CHAT: variants seen among roughly 807,000 people sequenced by gnomAD.
CHAT encodes the protein choline O-acetyltransferase, also known as acetyl CoA:choline O-acetyltransferase.
Under a neutral mutation model 76.9 loss-of-function variants are expected in CHAT, and 61 were observed. The ratio of observed to expected loss-of-function variants is 0.79; its 90% confidence interval spans 0.65 to 0.98. The LOEUF is 0.98. CHAT is among the 50% of genes least tolerant of loss of function. The probability of loss-of-function intolerance (pLI) is 0.00; values close to 1 mark genes in which losing one functional copy is unlikely to be tolerated. For synonymous variants in CHAT, 407 were observed against 397.4 expected, an observed-to-expected ratio of 1.02 and a Z score of -0.29; for missense variants, 946 against 986.9, an observed-to-expected ratio of 0.96 and a Z score of 0.56.
chr10:49,665,077 C>G lies in CHAT; in HGVS notation c.*31C>G. ...GCCACTAGGTTTCACCTCCCAAACC[C>G]AGCCTCTAGAACAGCCAGACCCTGC... On this transcript the variant is annotated 3_prime_UTR_variant, in exon 15 of 15. Transcript: ENST00000337653. 2 of 1,612,334 alleles carry G rather than the reference C, an allele frequency of 1.2e-6. No homozygotes were observed. The highest frequency in any genetic ancestry group is 1.7e-6 in the Non-Finnish European group (2 of 1,179,870).
chr10:49,648,637 G>A, intron 9 of CHAT, 30 bp downstream of exon 9: 2 of 1,523,050 alleles, frequency 1.3e-6, no homozygotes, highest in Middle Eastern at 1.7e-4. Flanking sequence ...CTGCCATGCT[G>A]GGCCCAAAAA....
At chr10:49,614,502 G>C in intron 1 of CHAT, 27 bp downstream of exon 1, 1 of 1,536,976 alleles carries the variant, frequency 6.5e-7, no homozygotes, top group Non-Finnish European at 8.7e-7. Context: ...GGCTGGGCTG[G>C]CGGAGCGCGG....
At chr10:49,618,124 A>C (rs1265947434) in intron 2 of CHAT, among the ~76,000 whole-genome samples, 10 of 152,182 alleles carry the variant, frequency 6.6e-5, no homozygotes, top group Non-Finnish European at 1.3e-4. Context: ...CATATTGCAG[A>C]ATTCTGGTCA....
intron 7 of CHAT, 136 bp from the exon 8 acceptor site, chr10:49,646,369 G>T (rs939618752): frequency 2.8e-6 from 3 of 1,082,932 alleles, no homozygotes; most frequent in Admixed American, 3.4e-5. Context: ...CAAGGTGGGG[G>T]GTCAGGGCTG....
chr10:49,665,037 C>T lies in CHAT; in HGVS notation c.2238C>T (p.His746=), dbSNP rs1234288422. 6.2e-7 allele frequency: 1 copy of T among 1,613,922 alleles called. No homozygotes were observed. Among genetic ancestry groups the T allele is most frequent in the African/African-American group, 1.3e-5 (1 of 75,068 alleles). Residue 746 remains histidine (H), a synonymous_variant, in exon 15 of 15, where the codon CAC becomes CAT. Transcript: ENST00000337653. The part of the protein sequence containing the change: ...KEKATRPSQG[H]QP Reference sequence around the variant, plus strand: ...AAGCCACGAGGCCCAGCCAGGGACACCAACCTTGACTCCTGCCACTAGGTT... The same window carrying T: ...AAGCCACGAGGCCCAGCCAGGGACATCAACCTTGACTCCTGCCACTAGGTT...
At chr10:49,648,745 AC>A in intron 9 of CHAT, 138 bp downstream of exon 9, 1 of 667,400 alleles carries the variant, frequency 1.5e-6, no homozygotes, top group Admixed American at 2.1e-5. Context: ...ACACACACAC[AC>A]ACACACACAC....
chr10:49,645,903 G>C (rs568827460), intron 7 of CHAT, among the ~76,000 whole-genome samples: 16 of 152,180 alleles, frequency 1.1e-4, no homozygotes, highest in Non-Finnish European at 1.9e-4. Context: ...TCCAGATGTG[G>C]GTTCAAGGCA....
chr10:49,634,583 T>C (rs1043651509), intron 7 of CHAT, among the ~76,000 whole-genome samples: 1 of 152,240 alleles, frequency 6.6e-6, no homozygotes, highest in Non-Finnish European at 1.5e-5. Context: ...ACTCTCTCTG[T>C]GTGCACACAC....
intron 7 of CHAT, among the ~76,000 whole-genome samples, chr10:49,639,025 G>A (rs2132770568): frequency 6.6e-6 from 1 of 152,264 alleles, no homozygotes; most frequent in African/African-American, 2.4e-5. Context: ...CGTGAGGTCA[G>A]GAGTTCAAGA....
At chr10:49,611,661 C>G (rs1335474158), upstream of CHAT, 2 of 1,611,878 alleles carry the variant, frequency 1.2e-6, no homozygotes, top group Admixed American at 3.3e-5. Context: ...CCCTCGCCTT[C>G]CTCGAACCCA....
intron 3 of CHAT, 97 bp downstream of exon 3, chr10:49,620,013 G>A: frequency 1.6e-6 from 2 of 1,272,338 alleles, no homozygotes; most frequent in Non-Finnish European, 2.2e-6. Flanking sequence ...ACAAAGACAG[G>A]GCAGAAGGAG....
chr10:49,615,905 A>G (rs1838473151), intron 1 of CHAT: 1 of 794,034 alleles, frequency 1.3e-6, no homozygotes, highest in East Asian at 2.6e-5. Context: ...GCAGGCCCAG[A>G]GTCTCCCTGC....
chr10:49,635,330 T>A (rs1839260424), intron 7 of CHAT, among the ~76,000 whole-genome samples: 1 of 152,242 alleles, frequency 6.6e-6, no homozygotes, highest in Non-Finnish European at 1.5e-5. Context: ...TTTCATTGTT[T>A]ACCCATCAAA....
rs767727254 is a variant in CHAT, at chr10:49,622,139, C to T, written c.741C>T (p.Ala247=). 2 of 1,613,582 alleles carry T rather than the reference C, an allele frequency of 1.2e-6. No individual in the cohort carries two copies. Among genetic ancestry groups the T allele is most frequent in the East Asian group, 2.2e-5 (1 of 44,850 alleles). ...TCTCTGGTGTACTCAGCTACAAGGC[C>T]CTGCTGGACAGGTAGGACTGGGAGG... is the stretch of plus-strand genomic sequence containing the variant. ...SLISGVLSYK[A]LLDSHSIPTD... Residue 247 remains alanine, a synonymous_variant, in exon 5 of 15, where the codon GCC becomes GCT. Transcript: ENST00000337653.
chr10:49,625,417 C>A (rs1157317582), intron 5 of CHAT, 56 bp from the exon 6 acceptor site: 197 of 1,547,938 alleles, frequency 1.3e-4, no homozygotes, highest in Non-Finnish European at 1.7e-4. Flanking sequence ...TCTCTGTCTC[C>A]CCTCACCACC....
chr10:49,611,824 C>G (rs761119823), upstream of CHAT: 34 of 1,603,826 alleles, frequency 2.1e-5, no homozygotes, highest in South Asian at 3.5e-4. Context: ...GTACGGCGCG[C>G]TTGGGCTGGC....
intron 7 of CHAT, among the ~76,000 whole-genome samples, chr10:49,634,710 G>GTTTTGT (rs887915216): frequency 2.0e-4 from 30 of 151,928 alleles, no homozygotes; most frequent in African/African-American, 4.6e-4. Flanking sequence ...GGTTTTTTTT[G>GTTTTGT]TTTTGTTTTT....
At chr10:49,646,748 G>A (rs1228349966) in intron 8 of CHAT, 74 bp downstream of exon 8, 1 of 1,531,512 alleles carries the variant, frequency 6.5e-7, no homozygotes, top group African/African-American at 1.4e-5. Flanking sequence ...AGCGGGCACA[G>A]CCTGGTGCCC....
chr10:49,664,376 C>T (rs1240236604), intron 14 of CHAT, among the ~76,000 whole-genome samples: 1 of 152,194 alleles, frequency 6.6e-6, no homozygotes, highest in Non-Finnish European at 1.5e-5. Context: ...GCCAGATTTC[C>T]TCCAGTTCAT....
Sources: gnomAD v4.1 joint callset for allele counts (sites outside exome capture counted in the v4.1 genomes callset) on GRCh38, gnomAD v4.1.1 for gene constraint, MANE v1.5 for transcripts, NCBI Gene and HGNC (gene_info 2026-07-23, HGNC 2026-07-21) for gene names.